The following DPP6 variants were observed in gnomAD, a reference collection of about 807,000 sequenced individuals.
DPP6 encodes the protein dipeptidyl peptidase like 6.
Under a neutral mutation model 122.6 loss-of-function variants are expected in DPP6, and 69 were observed. That is an observed-to-expected ratio of 0.56 (90% CI 0.46 to 0.69). DPP6 has a LOEUF of 0.69. Ranked by LOEUF, DPP6 falls within the 30% of genes least tolerant of loss-of-function variation. The probability of loss-of-function intolerance (pLI) is 0.00; values close to 1 mark genes in which losing one functional copy is unlikely to be tolerated. For synonymous variants in DPP6, 418 were observed against 433.1 expected (o/e 0.97, Z 0.43); for missense variants, 928 against 1,116.9 (o/e 0.83, Z 2.41).
At chr7:153,915,397 A>G (rs930992668) in intron 1 of DPP6, among the ~76,000 whole-genome samples, 2 of 152,172 alleles carry the variant, frequency 1.3e-5, no homozygotes, top group Non-Finnish European at 2.9e-5. Context: ...TTGCCACTCC[A>G]AGAAGATCCA....
chr7:154,346,002 C>T (rs1435245264), intron 1 of DPP6, among the ~76,000 whole-genome samples: 2 of 152,100 alleles, frequency 1.3e-5, no homozygotes, highest in South Asian at 2.1e-4. Context: ...CAAGGTGAGC[C>T]GATTCTTTCT....
At chr7:154,443,432 G>A (rs1268968859) in intron 1 of DPP6, among the ~76,000 whole-genome samples, 1 of 152,200 alleles carries the variant, frequency 6.6e-6, no homozygotes, top group Non-Finnish European at 1.5e-5. Context: ...TGTATTCAAG[G>A]TTCTCAAAAC....
chr7:154,237,025 A>T (rs986169663), intron 1 of DPP6, among the ~76,000 whole-genome samples: 5 of 152,230 alleles, frequency 3.3e-5, no homozygotes, highest in Admixed American at 2.6e-4. Flanking sequence ...ACACTTAGAC[A>T]TTCTCAGAGT....
intron 1 of DPP6, among the ~76,000 whole-genome samples, chr7:154,363,216 T>C (rs985922020): frequency 1.3e-5 from 2 of 152,170 alleles, no homozygotes; most frequent in Non-Finnish European, 2.9e-5. Context: ...CATGAACTGA[T>C]CTCTAGGGCT....
intron 7 of DPP6, among the ~76,000 whole-genome samples, chr7:154,684,749 A>G (rs954312204): frequency 1.3e-5 from 2 of 152,182 alleles, no homozygotes; most frequent in Admixed American, 6.5e-5. Context: ...TAATTAAGCT[A>G]GTTTTCTCCA....
intron 1 of DPP6, among the ~76,000 whole-genome samples, chr7:154,239,068 A>G (rs1377175762): frequency 1.3e-5 from 2 of 152,238 alleles, no homozygotes; most frequent in African/African-American, 4.8e-5. Context: ...GTGGAGGCGT[A>G]GCCAGCATTT....
intron 1 of DPP6, among the ~76,000 whole-genome samples, chr7:153,890,438 G>A (rs971088104): frequency 1.8e-4 from 27 of 152,306 alleles, no homozygotes; most frequent in Admixed American, 1.5e-3. Context: ...TTGTTTCACC[G>A]GGAGTTCTAC....
chr7:154,300,843 G>A (rs920159093), intron 1 of DPP6, among the ~76,000 whole-genome samples: 1 of 152,206 alleles, frequency 6.6e-6, no homozygotes, highest in East Asian at 1.9e-4. Flanking sequence ...AAATCCATGT[G>A]TTGAAGTCTT....
At chr7:154,235,684 CCT>C (rs1585700585) in intron 1 of DPP6, among the ~76,000 whole-genome samples, 1 of 152,104 alleles carries the variant, frequency 6.6e-6, no homozygotes, top group East Asian at 1.9e-4. Flanking sequence ...AGCTAGAATC[CCT>C]GTTTTTCTTT....
chr7:154,884,686 CACACATGATCACACAG>C, intron 21 of DPP6: 1 of 69,876 alleles, frequency 1.4e-5, no homozygotes, highest in African/African-American at 6.3e-5. Context: ...CACACACAAG[CACACATGATCACACAG>C]GCACACATGA....
intron 1 of DPP6, among the ~76,000 whole-genome samples, chr7:154,340,046 C>T (rs1267246863): frequency 6.6e-6 from 1 of 151,962 alleles, no homozygotes; most frequent in Non-Finnish European, 1.5e-5. Context: ...GCACTCCAGC[C>T]TGGGTGACAG....
chr7:154,248,251 C>A (rs957320465), intron 1 of DPP6, among the ~76,000 whole-genome samples: 1 of 152,182 alleles, frequency 6.6e-6, no homozygotes, highest in African/African-American at 2.4e-5. Context: ...TTTGATGGGG[C>A]ACAAACTTTC....
chr7:153,959,459 C>T (rs1291814826), intron 1 of DPP6, among the ~76,000 whole-genome samples: 1 of 152,248 alleles, frequency 6.6e-6, no homozygotes, highest in Non-Finnish European at 1.5e-5. Flanking sequence ...ACATTACCTG[C>T]AGACATTTCA....
At chr7:154,669,464 CTATACTTGGG>C in intron 7 of DPP6, 23 bp downstream of exon 7, 1 of 1,549,840 alleles carries the variant, frequency 6.5e-7, no homozygotes. Flanking sequence ...AGTTCAGTAA[CTATACTTGGG>C]TTTTGAGGAA....
chr7:154,534,681 T>C (rs1163199420), intron 3 of DPP6, among the ~76,000 whole-genome samples: 31 of 152,240 alleles, frequency 2.0e-4, no homozygotes, highest in Middle Eastern at 6.8e-3. Context: ...CATCTGTACA[T>C]GAAAACTACT....
At chr7:154,668,449 T>C (rs976324152) in intron 6 of DPP6, among the ~76,000 whole-genome samples, 1 of 151,548 alleles carries the variant, frequency 6.6e-6, no homozygotes, top group African/African-American at 2.4e-5. Flanking sequence ...CTCGATCTCC[T>C]GACCTCGTGA....
At chr7:154,061,373 G>T (rs1463534660) in intron 1 of DPP6, among the ~76,000 whole-genome samples, 4 of 147,202 alleles carry the variant, frequency 2.7e-5, no homozygotes, top group Admixed American at 6.7e-5. Flanking sequence ...GAGAAAAGAT[G>T]GCAGCTGGAC....
chr7:154,085,378 G>A (rs1256040609), intron 1 of DPP6, among the ~76,000 whole-genome samples: 2 of 152,040 alleles, frequency 1.3e-5, no homozygotes, highest in East Asian at 3.9e-4. Context: ...GGCCTTTACC[G>A]TTCACTGTCT....
rs1832883098 is a variant in DPP6 at position 154,592,812 on chromosome 7, A to C, written c.627+25896A>C. Among the ~76,000 whole-genome samples, 3 of 152,310 alleles carry C rather than the reference A, an allele frequency of 2.0e-5. No homozygotes were observed. In the South Asian group the frequency reaches 6.2e-4, roughly 32 times the overall value. ...ATCCGGGAAAACTACACACAGGGGC[A>C]GGCTCACAGCCACTTTTTCCCCAGC... is the stretch of plus-strand genomic sequence containing the variant. On this transcript the variant is annotated intron_variant, in intron 5 of 25. Transcript: ENST00000377770.
Sources: gnomAD v4.1 joint callset for allele counts (sites outside exome capture counted in the v4.1 genomes callset) on GRCh38, gnomAD v4.1.1 for gene constraint, MANE v1.5 for transcripts, NCBI Gene and HGNC (gene_info 2026-07-23, HGNC 2026-07-21) for gene names.